Variants in CDH18 observed in about 807,000 individuals in gnomAD.
The protein encoded by CDH18 is cadherin-18.
A neutral mutation model predicts 67.9 loss-of-function variants in CDH18; 31 were observed. That is an observed-to-expected ratio of 0.46 (90% CI 0.34 to 0.62). CDH18 has a LOEUF of 0.62. Ranked by LOEUF, CDH18 falls within the 20% of genes least tolerant of loss-of-function variation. The pLI is 0.01. For missense variants in CDH18, 890 were observed against 975.5 expected (o/e 0.91, Z 1.17); for synonymous variants, 362 against 347.2 (o/e 1.04, Z -0.48).
At chr5:20,282,340 G>A (rs1424164583) in intron 1 of CDH18, among the ~76,000 whole-genome samples, 2 of 152,090 alleles carry the variant, frequency 1.3e-5, no homozygotes, top group Non-Finnish European at 2.9e-5. Flanking sequence ...GTATGATATT[G>A]GCTGTGGGTT....
chr5:20,298,236 T>C (rs980012398), intron 1 of CDH18, among the ~76,000 whole-genome samples: 1 of 152,146 alleles, frequency 6.6e-6, no homozygotes, highest in Non-Finnish European at 1.5e-5. Context: ...AAAGCAAAAA[T>C]TATAGAAAAT....
intron 1 of CDH18, among the ~76,000 whole-genome samples, chr5:20,505,308 G>C (rs191537360): frequency 6.6e-6 from 1 of 152,022 alleles, no homozygotes; most frequent in African/African-American, 2.4e-5. Flanking sequence ...ATTTGTGTGA[G>C]GAATATTTAT....
At chr5:20,082,695 A>G (rs1011941835) in intron 2 of CDH18, among the ~76,000 whole-genome samples, 1 of 152,226 alleles carries the variant, frequency 6.6e-6, no homozygotes, top group Non-Finnish European at 1.5e-5. Flanking sequence ...TGAAGTTAAA[A>G]TGAGGACATT....
intron 1 of CDH18, among the ~76,000 whole-genome samples, chr5:20,455,094 T>C (rs998837703): frequency 2.0e-5 from 3 of 151,032 alleles, no homozygotes; most frequent in Non-Finnish European, 4.4e-5. Context: ...AAAAAATCCC[T>C]ATTCCTCTAT....
At chr5:19,934,729 G>A (rs1794052219) in intron 2 of CDH18, among the ~76,000 whole-genome samples, 1 of 151,382 alleles carries the variant, frequency 6.6e-6, no homozygotes, top group African/African-American at 2.4e-5. Flanking sequence ...ACTGAGGATT[G>A]CCTTTGTTTA....
intron 2 of CDH18, among the ~76,000 whole-genome samples, chr5:19,850,959 T>C (rs568652949): frequency 6.6e-6 from 1 of 151,960 alleles, no homozygotes; most frequent in South Asian, 2.1e-4. Context: ...TTGCATAACA[T>C]AGTCATTCAA....
At chr5:20,529,592 A>G (rs1199207897) in intron 1 of CDH18, among the ~76,000 whole-genome samples, 1 of 152,060 alleles carries the variant, frequency 6.6e-6, no homozygotes, top group African/African-American at 2.4e-5. Context: ...AACACACACA[A>G]ATCAATATAC....
chr5:20,529,673 C>A lies in CDH18; in HGVS notation c.-580+45789G>T, dbSNP rs554975012. 1.8e-4 allele frequency among the ~76,000 whole-genome samples: 28 copies of A among 152,082 alleles called. 3 individuals carry two copies. The highest frequency in any genetic ancestry group is 6.3e-4 in the African/African-American group (26 of 41,460). ...TCTCAATAGACACAGAAAAGACCTT[C>A]AATAAAATTCAACATCTCCTCATGT... On this transcript the variant is annotated intron_variant, in intron 1 of 14. Transcript: ENST00000507958.
At chr5:19,684,760 TAAAGAATAA>T (rs977863992) in intron 5 of CDH18, among the ~76,000 whole-genome samples, 7 of 152,030 alleles carry the variant, frequency 4.6e-5, no homozygotes, top group Admixed American at 3.3e-4. Context: ...AATATTGCCT[TAAAGAATAA>T]ATAATATTTA....
chr5:19,726,031 A>G (rs1438385049), intron 4 of CDH18, among the ~76,000 whole-genome samples: 1 of 152,214 alleles, frequency 6.6e-6, no homozygotes, highest in African/African-American at 2.4e-5. Context: ...AGAAGCACAA[A>G]CAGTGCAAGA....
chr5:20,431,752 C>T (rs1425829827), intron 1 of CDH18, among the ~76,000 whole-genome samples: 1 of 152,142 alleles, frequency 6.6e-6, no homozygotes, highest in Non-Finnish European at 1.5e-5. Flanking sequence ...CTCTGAACCT[C>T]TTCTGATTCT....
At chr5:20,231,714 T>C (rs1204727890) in intron 2 of CDH18, among the ~76,000 whole-genome samples, 1 of 152,166 alleles carries the variant, frequency 6.6e-6, no homozygotes, top group African/African-American at 2.4e-5. Context: ...AGACATTGTG[T>C]AAACTAAAAA....
intron 3 of CDH18, among the ~76,000 whole-genome samples, chr5:19,799,499 G>A (rs1581402025): frequency 6.6e-6 from 1 of 151,796 alleles, no homozygotes; most frequent in East Asian, 1.9e-4. Flanking sequence ...AATTTTGAGG[G>A]TGATGAATGT....
At chr5:20,272,384 T>G (rs1034366003) in intron 1 of CDH18, among the ~76,000 whole-genome samples, 6 of 151,980 alleles carry the variant, frequency 3.9e-5, no homozygotes, top group African/African-American at 1.5e-4. Context: ...TGTTTGTTTG[T>G]TTTGTTTCAA....
At chr5:19,978,760 T>A (rs1048245181) in intron 2 of CDH18, among the ~76,000 whole-genome samples, 3 of 152,146 alleles carry the variant, frequency 2.0e-5, no homozygotes, top group Non-Finnish European at 4.4e-5. Context: ...TCTCACATGA[T>A]CACTGTGTCC....
intron 2 of CDH18, among the ~76,000 whole-genome samples, chr5:20,011,053 T>C (rs1737396655): frequency 6.6e-6 from 1 of 152,182 alleles, no homozygotes; most frequent in Non-Finnish European, 1.5e-5. Flanking sequence ...TTCAATTCCA[T>C]TTACCACCTT....
chr5:19,860,810 G>A (rs62352168), intron 2 of CDH18, among the ~76,000 whole-genome samples: 2 of 151,876 alleles, frequency 1.3e-5, no homozygotes, highest in Admixed American at 6.6e-5. Flanking sequence ...ACACATAACC[G>A]AAAATATTCT....
intron 1 of CDH18, among the ~76,000 whole-genome samples, chr5:20,541,045 T>A (rs919156969): frequency 6.6e-6 from 1 of 152,208 alleles, no homozygotes; most frequent in Non-Finnish European, 1.5e-5. Flanking sequence ...TGCTATTTGG[T>A]CATTGTCACA....
intron 5 of CDH18, among the ~76,000 whole-genome samples, chr5:19,629,793 C>T (rs1444684102): frequency 6.6e-6 from 1 of 151,526 alleles, no homozygotes; most frequent in Middle Eastern, 3.2e-3. Context: ...TTTTTTCAAC[C>T]AAATTTGAAA....
Sources: allele counts gnomAD v4.1 joint callset (sites outside exome capture counted in the v4.1 genomes callset), GRCh38; gene constraint gnomAD v4.1.1; transcripts MANE v1.5; gene names NCBI Gene and HGNC (gene_info 2026-07-23, HGNC 2026-07-21).